PIANP: variants seen among roughly 807,000 people sequenced by gnomAD.
The protein encoded by PIANP is PILR alpha-associated neural protein.
A neutral mutation model predicts 28.9 loss-of-function variants in PIANP; 14 were observed. That is an observed-to-expected ratio of 0.49 (90% CI 0.32 to 0.76). The LOEUF (loss-of-function observed/expected upper bound fraction) is 0.76. Ranked by LOEUF, PIANP falls within the 30% of genes least tolerant of loss-of-function variation. The pLI is 0.03. For synonymous variants in PIANP, 149 were observed against 156.6 expected, an observed-to-expected ratio of 0.95 and a Z score of 0.36; for missense variants, 322 against 371.8, an observed-to-expected ratio of 0.87 and a Z score of 1.10.
In PIANP at chr12:6,697,577, C is replaced by A. The variant is rs181795908; in HGVS notation, c.233G>T (p.Arg78Leu). 3.8e-6 allele frequency: 6 copies of A among 1,594,014 alleles called. No homozygotes were observed. In the African/African-American group the frequency reaches 6.7e-5, roughly 18 times the overall value. ...SRSPRVPRSR[R>L]QVLPGTAPPA... ...GGGTGCAGTGCCAGGCAGGACTTGC[C>A]GACGTGATCTTGGGACCCGAGGAGA... is the stretch of plus-strand genomic sequence containing the variant. Residue 78 changes from arginine to leucine, a missense_variant, in exon 3 of 5, where the codon CGG (arginine) becomes CTG (leucine). Arg to Leu is a moderately radical substitution (Grantham distance 102). Coordinates refer to ENST00000534837, the MANE Select transcript of PIANP (RefSeq NM_001244014.2). This position sits in a 1 kb window ranked among gnomAD's most constrained non-coding sequence, Gnocchi z 6.9.
In PIANP at chr12:6,697,620, C is replaced by A. The variant is rs1959912232; in HGVS notation, c.190G>T (p.Ala64Ser). The A allele has an allele frequency of 1.3e-6, 2 of 1,564,144 alleles. No individual in the cohort carries two copies. The highest frequency in any genetic ancestry group is 2.3e-5 in the South Asian group (2 of 85,364). Residue 64 changes from alanine to serine, a missense_variant, in exon 3 of 5, where the codon GCA (alanine) becomes TCA (serine). Physicochemically the swap from Ala to Ser is moderately conservative, Grantham distance 99. Coordinates refer to ENST00000534837, the MANE Select transcript of PIANP (RefSeq NM_001244014.2). The surrounding 1 kb of genome is among the most constrained non-coding windows in gnomAD (Gnocchi z 6.9). ...APRHVCVWER[A>S]PPPSRSPRVP... ...CGAGGAGATCGGCTTGGTGGAGGTGCTCGCTCCCACACGCACACATGACGT... is the reference window on the plus strand; with the variant it reads ...CGAGGAGATCGGCTTGGTGGAGGTGATCGCTCCCACACGCACACATGACGT...
Position 6,700,143 on chromosome 12 carries a change from C to CGCAGGAGACGAGCTGGGGGTGGG in PIANP, c.-44+448_-44+470dup, listed in dbSNP as rs1314938564. The CGCAGGAGACGAGCTGGGGGTGGG allele has an allele frequency of 2.0e-5, 3 of 152,190 alleles. No homozygotes were observed. The highest frequency in any genetic ancestry group is 2.9e-5 in the Non-Finnish European group (2 of 68,064). The allele number at this position is 152,190 out of a possible 1,614,324, so 9.4% of individuals were successfully genotyped here. ...CCCAGCTTCTCACCGACCTGTTGTGCGCAGGAGACGAGCTGGGGGTGGGGC... is the reference window on the plus strand; with the variant it reads ...CCCAGCTTCTCACCGACCTGTTGTGCGCAGGAGACGAGCTGGGGGTGGGGCAGGAGACGAGCTGGGGGTGGGGC... On this transcript the variant is annotated intron_variant, in intron 1 of 4. Coordinates refer to ENST00000534837, the MANE Select transcript of PIANP (RefSeq NM_001244014.2). This position sits in a 1 kb window ranked among gnomAD's most constrained non-coding sequence, Gnocchi z 5.5.
rs1959928356 is a variant in PIANP at position 6,697,872 on chromosome 12, A to G, written c.18-80T>C. On this transcript the variant is annotated intron_variant, in intron 2 of 4. Transcript: ENST00000534837. This position sits in a 1 kb window ranked among gnomAD's most constrained non-coding sequence, Gnocchi z 6.9. ...AGGGAGGGACAGGTTCACACCAGAA[A>G]CCTCCAGGTTTCCCTGTGAAAGCAG... The G allele has an allele frequency of 3.3e-6, 5 of 1,499,618 alleles. No homozygotes were observed. The highest frequency in any genetic ancestry group is 4.5e-6 in the Non-Finnish European group (5 of 1,121,288). 92.9% of individuals were successfully genotyped at this position (1,499,618 alleles called of 1,614,324 possible).
chr12:6,694,777 T>G lies in PIANP; in HGVS notation c.*649A>C, dbSNP rs1592446938. 2 of 447,928 alleles carry G rather than the reference T, an allele frequency of 4.5e-6. No homozygotes were observed. Among genetic ancestry groups the G allele is most frequent in the Non-Finnish European group, 8.0e-6 (2 of 250,418 alleles). The allele number at this position is 447,928 out of a possible 1,614,324, so 27.7% of individuals were successfully genotyped here. A position where few individuals can be genotyped will look rare whatever the true frequency, so the allele number is the denominator to read the frequency against. ...TGCAAATGGCCTGTGAAGGTGGAGGTGAGTGTGCAAGGCTTTCATGTGAGT... is the reference window on the plus strand; with the variant it reads ...TGCAAATGGCCTGTGAAGGTGGAGGGGAGTGTGCAAGGCTTTCATGTGAGT... On this transcript the variant is annotated 3_prime_UTR_variant, in exon 5 of 5. Coordinates refer to ENST00000534837, the MANE Select transcript of PIANP (RefSeq NM_001244014.2). The surrounding 1 kb of genome is among the most constrained non-coding windows in gnomAD (Gnocchi z 6.1).
rs543530866 is a variant in PIANP, at chr12:6,700,244, C to T, written c.-44+370G>A. On this transcript the variant is annotated intron_variant, in intron 1 of 4. Coordinates refer to ENST00000534837, the MANE Select transcript of PIANP (RefSeq NM_001244014.2). This position sits in a 1 kb window ranked among gnomAD's most constrained non-coding sequence, Gnocchi z 5.5. ...CCCACCCATCCCGCAGGCCCGCACTCCCCGCACAGGGCTGGAGAGCGGCGA... is the reference window on the plus strand; with the variant it reads ...CCCACCCATCCCGCAGGCCCGCACTTCCCGCACAGGGCTGGAGAGCGGCGA... 1 of 152,040 alleles carries T rather than the reference C, an allele frequency of 6.6e-6. No homozygotes were observed. Among genetic ancestry groups the T allele is most frequent in the African/African-American group, 2.4e-5 (1 of 41,434 alleles). 9.4% of individuals were successfully genotyped at this position (152,040 alleles called of 1,614,324 possible).
chr12:6,692,919 G>T (rs1458508865), downstream of PIANP, among the ~76,000 whole-genome samples: 1 of 152,146 alleles, frequency 6.6e-6, no homozygotes, highest in Non-Finnish European at 1.5e-5. Context: ...ATGCATGGGG[G>T]CATATCCAGT....
rs1959818638 is a variant in PIANP, at chr12:6,695,305, G to T, written c.*121C>A. ...GAGCTGGTCCAGCCCCCTTGGGAGG[G>T]CCAGGGGCTGTGGGAGGCCACGCCT... On this transcript the variant is annotated 3_prime_UTR_variant, in exon 5 of 5. Transcript: ENST00000534837. The surrounding 1 kb of genome is among the most constrained non-coding windows in gnomAD (Gnocchi z 4.2). The T allele has an allele frequency of 2.9e-6, 4 of 1,399,574 alleles. No homozygotes were observed. The African/African-American group carries it at 4.4e-5, about 15-fold the overall frequency. 86.7% of individuals were successfully genotyped at this position (1,399,574 alleles called of 1,614,324 possible). A position where few individuals can be genotyped will look rare whatever the true frequency, so the allele number is the denominator to read the frequency against.
Position 6,697,787 on chromosome 12 carries a change from G to T in PIANP, c.23C>A (p.Ala8Glu). 1 of 1,537,934 alleles carries T rather than the reference G, an allele frequency of 6.5e-7. No individual in the cohort carries two copies. The highest frequency in any genetic ancestry group is 1.2e-5 in the South Asian group (1 of 80,870). The change falls in exon 3 of 5, where the codon GCG becomes GAG. Residue 8 changes from alanine (A) to glutamate (E), a missense_variant. By Grantham distance (107) the Ala-to-Glu change is moderately radical. Coordinates refer to ENST00000534837, the MANE Select transcript of PIANP (RefSeq NM_001244014.2). The surrounding 1 kb of genome is among the most constrained non-coding windows in gnomAD (Gnocchi z 6.9). Reference sequence around the variant, plus strand: ...AGGGAGGAGGTGGGACAGCAGCAGCGCAGGCCTGCAAGAAGGGAGAGAGCG... The same window carrying T: ...AGGGAGGAGGTGGGACAGCAGCAGCTCAGGCCTGCAAGAAGGGAGAGAGCG... MESRMWP[A>E]LLLSHLLPLW...
chr12:6,695,201 C>T lies in PIANP; in HGVS notation c.*225G>A. 2 of 1,454,724 alleles carry T rather than the reference C, an allele frequency of 1.4e-6. No homozygotes were observed. The highest frequency in any genetic ancestry group is 1.8e-6 in the Non-Finnish European group (2 of 1,096,600). 90.1% of individuals were successfully genotyped at this position (1,454,724 alleles called of 1,614,324 possible). A position where few individuals can be genotyped will look rare whatever the true frequency, so the allele number is the denominator to read the frequency against. ...TGGCATGAGAAAAAACCAAAGAGGGCAGAGTTGGAGTTATGGGCAGCAGAG... is the reference window on the plus strand; with the variant it reads ...TGGCATGAGAAAAAACCAAAGAGGGTAGAGTTGGAGTTATGGGCAGCAGAG... On this transcript the variant is annotated 3_prime_UTR_variant, in exon 5 of 5. Coordinates refer to ENST00000534837, the MANE Select transcript of PIANP (RefSeq NM_001244014.2). The surrounding 1 kb of genome is among the most constrained non-coding windows in gnomAD (Gnocchi z 4.2).
chr12:6,695,192 C>T lies in PIANP; in HGVS notation c.*234G>A, dbSNP rs2040173247. The T allele has an allele frequency of 6.9e-7, 1 of 1,456,912 alleles. No homozygotes were observed. Among genetic ancestry groups the T allele is most frequent in the Admixed American group, 2.5e-5 (1 of 39,512 alleles). The allele number at this position is 1,456,912 out of a possible 1,614,324, so 90.2% of individuals were successfully genotyped here. On this transcript the variant is annotated 3_prime_UTR_variant, in exon 5 of 5. Transcript: ENST00000534837. This position sits in a 1 kb window ranked among gnomAD's most constrained non-coding sequence, Gnocchi z 4.2. ...TAGACAAGGTGGCATGAGAAAAAACCAAAGAGGGCAGAGTTGGAGTTATGG... is the reference window on the plus strand; with the variant it reads ...TAGACAAGGTGGCATGAGAAAAAACTAAAGAGGGCAGAGTTGGAGTTATGG...
rs1240227029 is a variant in PIANP at position 6,696,405 on chromosome 12, C to T, written c.605+38G>A. ...TTAGAGCCTCGACTGCCAAACATTCCGTCCCCATCCACCAGCACCTTCCTC... is the reference window on the plus strand; with the variant it reads ...TTAGAGCCTCGACTGCCAAACATTCTGTCCCCATCCACCAGCACCTTCCTC... On this transcript the variant is annotated intron_variant, in intron 4 of 4. Transcript: ENST00000534837. This position sits in a 1 kb window ranked among gnomAD's most constrained non-coding sequence, Gnocchi z 4.0. 1.3e-5 allele frequency: 20 copies of T among 1,504,304 alleles called. No homozygotes were observed. Among genetic ancestry groups the T allele is most frequent in the East Asian group, 2.5e-5 (1 of 40,572 alleles). 93.2% of individuals were successfully genotyped at this position (1,504,304 alleles called of 1,614,324 possible).
chr12:6,692,648 G>A (rs950745250), downstream of PIANP, among the ~76,000 whole-genome samples: 1 of 152,086 alleles, frequency 6.6e-6, no homozygotes, highest in Non-Finnish European at 1.5e-5. Context: ...TTGTTTGCCG[G>A]GCACCTCTGC....
Position 6,698,457 on chromosome 12 carries a change from C to T in PIANP, c.-43-353G>A, listed in dbSNP as rs919763194. The T allele has an allele frequency of 4.3e-5, 12 of 276,704 alleles. No homozygotes were observed. In the Admixed American group the frequency reaches 4.9e-4, roughly 11 times the overall value. The allele number at this position is 276,704 out of a possible 1,614,324, so 17.1% of individuals were successfully genotyped here. ...ACCTTGTGATTCCTTGAGCACCTACCGCTAGGGAGGGAGTCTGAGGGTAGG... is the reference window on the plus strand; with the variant it reads ...ACCTTGTGATTCCTTGAGCACCTACTGCTAGGGAGGGAGTCTGAGGGTAGG... On this transcript the variant is annotated intron_variant, in intron 1 of 4. Transcript: ENST00000534837.
chr12:6,696,944 A>G lies in PIANP; in HGVS notation c.523+343T>C, dbSNP rs1217016829. 2.6e-5 allele frequency among the ~76,000 whole-genome samples: 4 copies of G among 152,108 alleles called. No homozygotes were observed. Among genetic ancestry groups the G allele is most frequent in the African/African-American group, 9.7e-5 (4 of 41,422 alleles). ...TTCATTCATGGCATTCTCTGCCCAG[A>G]ATACTCCCACTCTCTTTTCAAGGGC... is the stretch of plus-strand genomic sequence containing the variant. On this transcript the variant is annotated intron_variant, in intron 3 of 4. Coordinates refer to ENST00000534837, the MANE Select transcript of PIANP (RefSeq NM_001244014.2). The surrounding 1 kb of genome is among the most constrained non-coding windows in gnomAD (Gnocchi z 4.0).
In PIANP at chr12:6,697,645, TG is replaced by T; in HGVS notation, c.164del (p.Pro55HisfsTer165). 1 of 1,535,948 alleles carries T rather than the reference TG, an allele frequency of 6.5e-7. No homozygotes were observed. The highest frequency in any genetic ancestry group is 1.2e-5 in the South Asian group (1 of 83,868). On this transcript the variant is annotated frameshift_variant, in exon 3 of 5. Coordinates refer to ENST00000534837, the MANE Select transcript of PIANP (RefSeq NM_001244014.2). LOFTEE classifies it high-confidence loss of function. The surrounding 1 kb of genome is among the most constrained non-coding windows in gnomAD (Gnocchi z 6.9). ...PPCARGGPSA[P>X]RHVCVWERAP... ...CTCGCTCCCACACGCACACATGACGTGGGGCCGAGGGGCCTCCCCTGGCACA... is the reference window on the plus strand; with the variant it reads ...CTCGCTCCCACACGCACACATGACGTGGGCCGAGGGGCCTCCCCTGGCACA...
At chr12:6,698,257 T>C in intron 1 of PIANP, 153 bp from the exon 2 acceptor site, 1 of 675,998 alleles carries the variant, frequency 1.5e-6, no homozygotes, top group Non-Finnish European at 2.6e-6. Flanking sequence ...TAGCATCCTT[T>C]TGGGGGAAAA....
At chr12:6,698,279 G>A in intron 1 of PIANP, 175 bp from the exon 2 acceptor site, 1 of 637,248 alleles carries the variant, frequency 1.6e-6, no homozygotes, top group South Asian at 1.8e-5. Context: ...CTCCAGCGTG[G>A]TTGCCTGACC....
chr12:6,699,766 G>A (rs1959992890), intron 1 of PIANP, among the ~76,000 whole-genome samples: 1 of 152,168 alleles, frequency 6.6e-6, no homozygotes, highest in Non-Finnish European at 1.5e-5. Flanking sequence ...AACGGGCTGG[G>A]AAGCAGAGGC....
chr12:6,694,924 G>C lies in PIANP; in HGVS notation c.*502C>G. 3 of 1,326,390 alleles carry C rather than the reference G, an allele frequency of 2.3e-6. No homozygotes were observed. The highest frequency in any genetic ancestry group is 3.0e-6 in the Non-Finnish European group (3 of 986,878). The allele number at this position is 1,326,390 out of a possible 1,614,324, so 82.2% of individuals were successfully genotyped here. The stretch of plus-strand genomic sequence containing the variant: ...GTTCCGGGTGGTGTGCAAGGGGCAG[G>C]AGCCAGGAGCCCCTGTGGCCCCAGC... On this transcript the variant is annotated 3_prime_UTR_variant, in exon 5 of 5. Transcript: ENST00000534837. The surrounding 1 kb of genome is among the most constrained non-coding windows in gnomAD (Gnocchi z 6.1).
Sources: gnomAD v4.1 joint callset for allele counts (sites outside exome capture counted in the v4.1 genomes callset) on GRCh38, gnomAD v4.1.1 for gene constraint, Gnocchi (gnomAD v3.1) non-coding constraint, MANE v1.5 for transcripts, NCBI Gene and HGNC (gene_info 2026-07-23, HGNC 2026-07-21) for gene names.